RXRA: variants seen among roughly 807,000 people sequenced by gnomAD.
RXRA encodes retinoid X receptor alpha.
Under a neutral mutation model 44.5 loss-of-function variants are expected in RXRA, and 5 were observed. That is an observed-to-expected ratio of 0.11 (90% CI 0.06 to 0.24). The LOEUF is 0.24. RXRA is among the 10% of genes least tolerant of loss of function. The pLI is 1.00. For synonymous variants in RXRA, 291 were observed against 271.4 expected, an observed-to-expected ratio of 1.07 and a Z score of -0.71; for missense variants, 412 against 646.5, an observed-to-expected ratio of 0.64 and a Z score of 3.93.
In RXRA at chr9:134,391,038, C is replaced by T. The variant is rs373840125; in HGVS notation, c.29-10594C>T. ...CTGGACTCTGTCCACCGCGTGGCCC[C>T]GGTGGCCATGCCCTGCCTATTCTAA... On this transcript the variant is annotated intron_variant, in intron 1 of 9. Coordinates refer to ENST00000481739, the MANE Select transcript of RXRA (RefSeq NM_002957.6). 2.4e-3 allele frequency among the ~76,000 whole-genome samples: 363 copies of T among 152,176 alleles called. 1 individual carries two copies. The highest frequency in any genetic ancestry group is 0.014 in the Middle Eastern group (4 of 294).
chr9:134,409,502 GC>G (rs1258131418), intron 4 of RXRA, among the ~76,000 whole-genome samples: 1 of 152,230 alleles, frequency 6.6e-6, no homozygotes, highest in Non-Finnish European at 1.5e-5. Context: ...CCGCCGGATG[GC>G]CCCCAGGCTC....
intron 1 of RXRA, among the ~76,000 whole-genome samples, chr9:134,399,820 C>T (rs1830932104): frequency 6.6e-6 from 1 of 152,266 alleles, no homozygotes; most frequent in Admixed American, 6.5e-5. Flanking sequence ...AGCCAGGCCC[C>T]TGCAGTGCTG....
chr9:134,344,760 T>TG, intron 1 of RXRA, among the ~76,000 whole-genome samples: 1 of 152,192 alleles, frequency 6.6e-6, no homozygotes, highest in Non-Finnish European at 1.5e-5. Flanking sequence ...AGCAACCAGC[T>TG]TCCCACTCTG....
intron 4 of RXRA, among the ~76,000 whole-genome samples, chr9:134,413,461 C>T (rs1454495991): frequency 1.3e-5 from 2 of 152,158 alleles, no homozygotes; most frequent in Admixed American, 1.3e-4. Flanking sequence ...AGGTAAGTCA[C>T]TCCCTTTAGA....
rs1455512942 is a variant in RXRA at position 134,437,877 on chromosome 9, C to A, written c.*1263C>A. The A allele has an allele frequency of 6.6e-6, 1 of 151,972 alleles. No individual in the cohort carries two copies. Among genetic ancestry groups the A allele is most frequent in the African/African-American group, 2.4e-5 (1 of 41,356 alleles). 9.4% of individuals were successfully genotyped at this position (151,972 alleles called of 1,614,324 possible). A position where few individuals can be genotyped will look rare whatever the true frequency, so the allele number is the denominator to read the frequency against. On this transcript the variant is annotated 3_prime_UTR_variant, in exon 10 of 10. Transcript: ENST00000481739. ...TTGTCCACGGACAGCGTTGTTCACC[C>A]AGAGCCTTACTTGGGAGCCTCACTG...
chr9:134,356,727 C>T (rs548175675), intron 1 of RXRA, among the ~76,000 whole-genome samples: 8 of 152,344 alleles, frequency 5.3e-5, no homozygotes, highest in East Asian at 3.9e-4. Context: ...GTGTTCTCAC[C>T]GTTGTCCTGC....
At chr9:134,434,584 G>A (rs1286032997) in intron 9 of RXRA, among the ~76,000 whole-genome samples, 1 of 152,196 alleles carries the variant, frequency 6.6e-6, no homozygotes, top group Non-Finnish European at 1.5e-5. Flanking sequence ...AGAATGGATG[G>A]CCAGATGCCC....
At position 134,343,214 on chromosome 9, in the gene RXRA, C is replaced by T. The variant is rs1830108136; in HGVS notation, c.28+16555C>T. Among the ~76,000 whole-genome samples, 1 of 152,136 alleles carries T rather than the reference C, an allele frequency of 6.6e-6. No homozygotes were observed. The highest frequency in any genetic ancestry group is 2.1e-4 in the South Asian group (1 of 4,832). On this transcript the variant is annotated intron_variant, in intron 1 of 9. Transcript: ENST00000481739. This position sits in a 1 kb window ranked among gnomAD's most constrained non-coding sequence, Gnocchi z 4.1. Reference sequence around the variant, plus strand: ...GCAGCGTGTCTCTCTCTCTGAGTGTCGACTTTCTCATCTGTGACGTGGGGT... The same window carrying T: ...GCAGCGTGTCTCTCTCTCTGAGTGTTGACTTTCTCATCTGTGACGTGGGGT...
At position 134,439,886 on chromosome 9, in the gene RXRA, A is replaced by G. The variant is rs1195561944; in HGVS notation, c.*3272A>G. On this transcript the variant is annotated 3_prime_UTR_variant, in exon 10 of 10. Coordinates refer to ENST00000481739, the MANE Select transcript of RXRA (RefSeq NM_002957.6). ...GCTTCGTGTAAGCAAGTACATAAGG[A>G]CCCTCCTTTGGTGAAATCCGGGTTC... 1 of 152,256 alleles carries G rather than the reference A, an allele frequency of 6.6e-6. No individual in the cohort carries two copies. Among genetic ancestry groups the G allele is most frequent in the Non-Finnish European group, 1.5e-5 (1 of 68,024 alleles). The allele number at this position is 152,256 out of a possible 1,614,324, so 9.4% of individuals were successfully genotyped here.
intron 1 of RXRA, among the ~76,000 whole-genome samples, chr9:134,360,626 C>T (rs912311544): frequency 1.1e-4 from 17 of 152,256 alleles, no homozygotes; most frequent in Admixed American, 7.2e-4. Flanking sequence ...TTGAAAGTGG[C>T]GCCCTTTGGC....
At chr9:134,391,164 G>T (rs1013917728) in intron 1 of RXRA, among the ~76,000 whole-genome samples, 10 of 152,200 alleles carry the variant, frequency 6.6e-5, no homozygotes, top group African/African-American at 9.6e-5. Context: ...CCCAGGACAT[G>T]CCTGGGGGAG....
chr9:134,370,091 G>T (rs1830472037), intron 1 of RXRA, among the ~76,000 whole-genome samples: 1 of 152,172 alleles, frequency 6.6e-6, no homozygotes, highest in Admixed American at 6.5e-5. Context: ...GGGGCCCACT[G>T]CCTGACTCCC....
intron 6 of RXRA, chr9:134,424,167 G>A (rs1405034178): frequency 2.0e-6 from 2 of 985,270 alleles, no homozygotes; most frequent in Admixed American, 1.2e-4. Context: ...TTCTGTGGCT[G>A]TCCCTCTTAG....
At chr9:134,347,329 C>G (rs75236164) in intron 1 of RXRA, among the ~76,000 whole-genome samples, 6,040 of 152,326 alleles carry the variant, frequency 0.04, 405 homozygotes, top group African/African-American at 0.14. Flanking sequence ...ATGACGCGCC[C>G]TGCCGCGGTG....
rs1395166993 is a variant in RXRA, at chr9:134,365,005, G to C, written c.29-36627G>C. On this transcript the variant is annotated intron_variant, in intron 1 of 9. Coordinates refer to ENST00000481739, the MANE Select transcript of RXRA (RefSeq NM_002957.6). This position sits in a 1 kb window ranked among gnomAD's most constrained non-coding sequence, Gnocchi z 4.0. ...TACTTATGAGGAGGCTGATGCTAGA[G>C]AGGGGTGTGCCCTGTCCCGGTTGCC... is the stretch of plus-strand genomic sequence containing the variant. Among the ~76,000 whole-genome samples the C allele has an allele frequency of 6.6e-6, 1 of 152,250 alleles. No individual in the cohort carries two copies. The highest frequency in any genetic ancestry group is 1.5e-5 in the Non-Finnish European group (1 of 68,040).
chr9:134,395,784 A>C (rs1169028937), intron 1 of RXRA, among the ~76,000 whole-genome samples: 1 of 152,182 alleles, frequency 6.6e-6, no homozygotes, highest in African/African-American at 2.4e-5. Flanking sequence ...GGTCTCTCCT[A>C]ACTATTCAGG....
intron 1 of RXRA, among the ~76,000 whole-genome samples, chr9:134,393,850 C>A (rs1830834799): frequency 6.6e-6 from 1 of 152,124 alleles, no homozygotes; most frequent in African/African-American, 2.4e-5. Context: ...CTGTACCTGC[C>A]ACCACTGGGT....
chr9:134,413,600 A>G (rs1385736195), intron 4 of RXRA, among the ~76,000 whole-genome samples: 1 of 152,194 alleles, frequency 6.6e-6, no homozygotes, highest in Non-Finnish European at 1.5e-5. Context: ...GGGCTGCACA[A>G]GGGACGGAGG....
At position 134,341,969 on chromosome 9, in the gene RXRA, C is replaced by G. The variant is rs551028907; in HGVS notation, c.28+15310C>G. On this transcript the variant is annotated intron_variant, in intron 1 of 9. Coordinates refer to ENST00000481739, the MANE Select transcript of RXRA (RefSeq NM_002957.6). ...GGCCTGGCCCCACTTGCTGAGGGTCCGCTGTGCTCCAGGGTCTGTGAAGCC... is the reference window on the plus strand; with the variant it reads ...GGCCTGGCCCCACTTGCTGAGGGTCGGCTGTGCTCCAGGGTCTGTGAAGCC... Among the ~76,000 whole-genome samples the G allele has an allele frequency of 2.0e-5, 3 of 152,246 alleles. No homozygotes were observed. The South Asian group carries it at 6.2e-4, about 32-fold the overall frequency.
Sources: gnomAD v4.1 joint callset for allele counts (sites outside exome capture counted in the v4.1 genomes callset) on GRCh38, gnomAD v4.1.1 for gene constraint, Gnocchi (gnomAD v3.1) non-coding constraint, MANE v1.5 for transcripts, NCBI Gene and HGNC (gene_info 2026-07-23, HGNC 2026-07-21) for gene names.